NUP98: variants seen among roughly 807,000 people sequenced by gnomAD.
NUP98 encodes nuclear pore complex protein Nup98-Nup96.
In NUP98, 26 loss-of-function variants were observed where a neutral mutation model predicts 191.9. That is an observed-to-expected ratio of 0.14 (90% CI 0.10 to 0.19). The LOEUF (loss-of-function observed/expected upper bound fraction) is 0.19, where lower values mean the gene tolerates loss of function less well. NUP98 is among the 10% of genes least tolerant of loss of function. The pLI is 1.00. For missense variants in NUP98, 1,941 were observed against 2,178.8 expected (o/e 0.89, Z 2.17); for synonymous variants, 808 against 778.4 (o/e 1.04, Z -0.63).
In NUP98 at chr11:3,719,432, A is replaced by G. The variant is rs1328825045; in HGVS notation, c.2379T>C (p.Pro793=). The change falls in exon 18 of 33, where the codon CCT becomes CCC. Residue 793 remains proline, a synonymous_variant. Coordinates refer to ENST00000324932, the MANE Select transcript of NUP98 (RefSeq NM_016320.5). ...CTTACCTATTTAGCCCTTCACCCAC[A>G]GGTGGTTTTTGGTTATCATCTAAGT... ...VVYLDDNQKP[P]VGEGLNRKAE... is the part of the protein sequence containing the mutation. 5.0e-6 allele frequency: 8 copies of G among 1,598,826 alleles called. No individual in the cohort carries two copies. Among genetic ancestry groups the G allele is most frequent in the African/African-American group, 1.4e-5 (1 of 73,998 alleles).
chr11:3,786,862 GA>G (rs2082158418), intron 1 of NUP98, among the ~76,000 whole-genome samples: 1 of 152,190 alleles, frequency 6.6e-6, no homozygotes, highest in South Asian at 2.1e-4. Flanking sequence ...AGCTTCCCAA[GA>G]CATTTCCAAT....
At chr11:3,704,902 A>G (rs2134129070) in intron 22 of NUP98, among the ~76,000 whole-genome samples, 1 of 152,360 alleles carries the variant, frequency 6.6e-6, no homozygotes, top group East Asian at 1.9e-4. Flanking sequence ...CTAGCTACTC[A>G]GGAGGCTGAG....
At chr11:3,694,394 A>G (rs2134071169) in intron 26 of NUP98, among the ~76,000 whole-genome samples, 1 of 151,758 alleles carries the variant, frequency 6.6e-6, no homozygotes. Context: ...AACAACAAAA[A>G]TAACGCTTCA....
At position 3,702,478 on chromosome 11, in the gene NUP98, G is replaced by T. The variant is rs374825785; in HGVS notation, c.3497C>A (p.Pro1166Gln). The change falls in exon 23 of 33, where the codon CCA becomes CAA. Residue 1166 changes from proline (P) to glutamine (Q), a missense_variant. Coordinates refer to ENST00000324932, the MANE Select transcript of NUP98 (RefSeq NM_016320.5). ...TGTGACTCACGGTTTAACAGCTACT[G>T]GATTGGGCAGGAATCCAAACTCCAT... is the stretch of plus-strand genomic sequence containing the variant. ...DSMEFGFLPN[P>Q]VAVKPLTESP... The T allele has an allele frequency of 6.2e-7, 1 of 1,613,598 alleles. No homozygotes were observed. Among genetic ancestry groups the T allele is most frequent in the Non-Finnish European group, 8.5e-7 (1 of 1,179,762 alleles).
chr11:3,766,131 T>C (rs1316705037), intron 8 of NUP98, among the ~76,000 whole-genome samples: 2 of 152,168 alleles, frequency 1.3e-5, no homozygotes, highest in Non-Finnish European at 2.9e-5. Context: ...TCTCAGCACT[T>C]TGGGAGTCCA....
chr11:3,795,926 T>C (rs1263393751), intron 1 of NUP98, among the ~76,000 whole-genome samples: 1 of 152,234 alleles, frequency 6.6e-6, no homozygotes, highest in African/African-American at 2.4e-5. Context: ...CTTACTGATG[T>C]GTACAGAACC....
chr11:3,720,959 G>C, intron 16 of NUP98, 134 bp from the exon 17 acceptor site: 1 of 519,460 alleles, frequency 1.9e-6, no homozygotes, highest in Non-Finnish European at 3.4e-6. Context: ...ATGATTCCTA[G>C]GAGAAGGGGT....
intron 1 of NUP98, among the ~76,000 whole-genome samples, chr11:3,784,695 AGCAAGGTACAATGGTGCCACT>A (rs1425578840): frequency 6.6e-6 from 1 of 152,130 alleles, no homozygotes; most frequent in Non-Finnish European, 1.5e-5. Context: ...TCAGGCCTGC[AGCAAGGTACAATGGTGCCACT>A]GCACTCCAGC....
chr11:3,791,192 G>A (rs184734262), intron 1 of NUP98, among the ~76,000 whole-genome samples: 103 of 151,972 alleles, frequency 6.8e-4, no homozygotes, highest in African/African-American at 2.2e-3. Context: ...ACTGCGCCCC[G>A]CCCACCATTT....
chr11:3,692,193 G>A lies in NUP98; in HGVS notation c.4312-704C>T, dbSNP rs112720627. On this transcript the variant is annotated intron_variant, in intron 27 of 32. Transcript: ENST00000324932. ...TTTTTTTTTAAATTAGCCAGGCATG[G>A]TGGTATGCACCTGTGGTCCCAGCTA... Among the ~76,000 whole-genome samples the A allele has an allele frequency of 5.3e-3, 802 of 152,002 alleles. 6 individuals carry two copies. Among genetic ancestry groups the A allele is most frequent in the African/African-American group, 0.018 (765 of 41,468 alleles).
rs1454652931 is a variant in NUP98, at chr11:3,683,357, G to A, written c.4761C>T (p.Phe1587=). ...ETPESWAKET[F]LTQKLRVPAK... ...CAGGTACACGGAGCTTCTGGGTAAG[G>A]AAAGTCTCTTTAGCCCAAGATTCAG... Residue 1587 remains phenylalanine (F), a synonymous_variant, in exon 30 of 33, where the codon TTC becomes TTT. Coordinates refer to ENST00000324932, the MANE Select transcript of NUP98 (RefSeq NM_016320.5). 1 of 1,614,172 alleles carries A rather than the reference G, an allele frequency of 6.2e-7. No individual in the cohort carries two copies. Among genetic ancestry groups the A allele is most frequent in the Non-Finnish European group, 8.5e-7 (1 of 1,180,036 alleles).
chr11:3,742,991 T>C (rs1425287367), intron 12 of NUP98, among the ~76,000 whole-genome samples: 1 of 152,068 alleles, frequency 6.6e-6, no homozygotes, highest in Admixed American at 6.6e-5. Flanking sequence ...TTTCACTTCC[T>C]GTGGAATATA....
intron 26 of NUP98, 59 bp from the exon 27 acceptor site, chr11:3,693,434 C>T (rs1201402720): frequency 2.0e-6 from 3 of 1,506,818 alleles, no homozygotes; most frequent in Non-Finnish European, 1.8e-6. Flanking sequence ...CCTGTGTGTG[C>T]AATAACACTG....
intron 4 of NUP98, 127 bp from the exon 5 acceptor site, chr11:3,776,148 GT>G: frequency 3.1e-6 from 2 of 642,078 alleles, no homozygotes; most frequent in Non-Finnish European, 5.3e-6. Context: ...TTGAGACAGG[GT>G]CTTGCTCTGT....
At chr11:3,767,683 T>G (rs2081383870) in intron 8 of NUP98, among the ~76,000 whole-genome samples, 1 of 152,160 alleles carries the variant, frequency 6.6e-6, no homozygotes, top group Admixed American at 6.6e-5. Flanking sequence ...TTCCAAGTCC[T>G]GATCAATTAC....
intron 20 of NUP98, among the ~76,000 whole-genome samples, chr11:3,710,690 G>A (rs1279827145): frequency 2.0e-5 from 3 of 152,140 alleles, no homozygotes; most frequent in African/African-American, 7.2e-5. Context: ...AAAGTAAAAT[G>A]TAGGGTCTTT....
chr11:3,786,016 C>T (rs2082129036), intron 1 of NUP98, among the ~76,000 whole-genome samples: 1 of 152,090 alleles, frequency 6.6e-6, no homozygotes, highest in Admixed American at 6.5e-5. Context: ...GTCCCAGGCA[C>T]TGTTCTAATG....
Position 3,740,524 on chromosome 11 carries a change from A to G in NUP98, c.1408+3985T>C, listed in dbSNP as rs185863876. ...AGAGCAAGACTCTGTCTCAAAAAAA[A>G]AAAAAGAAATGAAGTTTATATAGAA... is the stretch of plus-strand genomic sequence containing the variant. On this transcript the variant is annotated intron_variant, in intron 12 of 32. Transcript: ENST00000324932. Among the ~76,000 whole-genome samples, 611 of 152,102 alleles carry G rather than the reference A, an allele frequency of 4.0e-3. 2 individuals are homozygous for G. The highest frequency in any genetic ancestry group is 0.014 in the African/African-American group (574 of 41,498).
chr11:3,697,267 A>G (rs1055664126), intron 25 of NUP98: 1 of 152,148 alleles, frequency 6.6e-6, no homozygotes, highest in African/African-American at 2.4e-5. Context: ...AAAAGAAAAG[A>G]AAACAGGAAG....
Sources: allele counts gnomAD v4.1 joint callset (sites outside exome capture counted in the v4.1 genomes callset), GRCh38; gene constraint gnomAD v4.1.1; transcripts MANE v1.5; gene names NCBI Gene and HGNC (gene_info 2026-07-23, HGNC 2026-07-21).